The following TMEM272 variants were observed in gnomAD, a reference collection of about 807,000 sequenced individuals.
TMEM272 encodes transmembrane protein 272, also known as long intergenic non-protein coding RNA 282.
A neutral mutation model predicts 3.7 loss-of-function variants in TMEM272; 8 were observed. That is an observed-to-expected ratio of 2.17 (90% CI 1.27 to 3.91). TMEM272 has a LOEUF of 3.91. TMEM272 is among the 30% of genes most tolerant of loss of function. TMEM272 has a pLI of 0.00. For missense variants in TMEM272, 166 were observed against 91.5 expected (o/e 1.81, Z -3.32); for synonymous variants, 63 against 39.8 (o/e 1.58, Z -2.20).
chr13:51,886,595 T>C, the TMEM272 span, among the ~76,000 whole-genome samples: 4 of 152,248 alleles, frequency 2.6e-5, no homozygotes, highest in Admixed American at 1.3e-4. Context: ...ATAAAGATTA[T>C]TATCTTTTTC....
chr13:51,898,705 T>C, the TMEM272 span, among the ~76,000 whole-genome samples: 1 of 151,350 alleles, frequency 6.6e-6, no homozygotes, highest in Non-Finnish European at 1.5e-5. Context: ...AAGAATGGCT[T>C]AGACTTATAT....
At chr13:51,928,503 A>C in the TMEM272 span, among the ~76,000 whole-genome samples, 1 of 152,154 alleles carries the variant, frequency 6.6e-6, no homozygotes, top group African/African-American at 2.4e-5. Context: ...AACTGCGAAG[A>C]GGTAGGATGA....
the TMEM272 span, among the ~76,000 whole-genome samples, chr13:51,903,797 T>G: frequency 6.6e-6 from 1 of 152,178 alleles, no homozygotes; most frequent in Non-Finnish European, 1.5e-5. Flanking sequence ...AAACCTATCA[T>G]AGCCATAATG....
chr13:51,884,680 C>T, the TMEM272 span, among the ~76,000 whole-genome samples: 2 of 152,112 alleles, frequency 1.3e-5, no homozygotes, highest in African/African-American at 4.8e-5. Context: ...AAGTTTGAAC[C>T]CTGACTCTTC....
the TMEM272 span, among the ~76,000 whole-genome samples, chr13:51,886,419 A>C: frequency 6.6e-6 from 1 of 152,228 alleles, no homozygotes; most frequent in Non-Finnish European, 1.5e-5. Flanking sequence ...CCTGTGAGGA[A>C]TGAACTTATA....
the TMEM272 span, among the ~76,000 whole-genome samples, chr13:51,928,684 A>C: frequency 6.6e-6 from 1 of 152,280 alleles, no homozygotes; most frequent in Non-Finnish European, 1.5e-5. Flanking sequence ...GGTCTGGAGC[A>C]GTTTGTAGAG....
chr13:51,901,410 C>A, the TMEM272 span, among the ~76,000 whole-genome samples: 66 of 152,090 alleles, frequency 4.3e-4, 3 homozygotes, highest in Non-Finnish European at 4.4e-5. Flanking sequence ...GGGTGGCGCC[C>A]GGTGGAGCTG....
At chr13:51,842,067 T>C (rs1956268243) in intron 1 of TMEM272, among the ~76,000 whole-genome samples, 1 of 152,282 alleles carries the variant, frequency 6.6e-6, no homozygotes, top group East Asian at 1.9e-4. Flanking sequence ...TATGACCTCG[T>C]GCATGTAATA....
At chr13:51,900,571 T>C in the TMEM272 span, among the ~76,000 whole-genome samples, 3 of 152,180 alleles carry the variant, frequency 2.0e-5, no homozygotes, top group South Asian at 6.2e-4. Flanking sequence ...AATGTAAAGA[T>C]ACAGTTACCA....
the TMEM272 span, among the ~76,000 whole-genome samples, chr13:51,869,770 A>G: frequency 6.6e-6 from 1 of 152,118 alleles, no homozygotes; most frequent in Non-Finnish European, 1.5e-5. Flanking sequence ...TTACAGGTGT[A>G]AGCCACCGCG....
chr13:51,817,600 C>T (rs900731513), intron 4 of TMEM272, among the ~76,000 whole-genome samples: 1 of 152,188 alleles, frequency 6.6e-6, no homozygotes. Context: ...CAGGCTTGGC[C>T]GAATCCAGGT....
In TMEM272 at chr13:51,831,528, G is replaced by A. The variant is rs574600023; in HGVS notation, c.59-4903C>T. 2.6e-5 allele frequency among the ~76,000 whole-genome samples: 4 copies of A among 152,342 alleles called. No homozygotes were observed. In the East Asian group the frequency reaches 5.8e-4, roughly 22 times the overall value. ...TACAGCTGTCTGCTCAGCATGGTGTGAGGTGCTGGGGTTGGGCTAGGTTGT... is the reference window on the plus strand; with the variant it reads ...TACAGCTGTCTGCTCAGCATGGTGTAAGGTGCTGGGGTTGGGCTAGGTTGT... On this transcript the variant is annotated intron_variant, in intron 2 of 4. Coordinates refer to ENST00000629372, the MANE Select transcript of TMEM272 (RefSeq NM_001351003.2).
At chr13:51,863,154 TGCAG>T in the TMEM272 span, among the ~76,000 whole-genome samples, 1 of 152,228 alleles carries the variant, frequency 6.6e-6, no homozygotes, top group African/African-American at 2.4e-5. Flanking sequence ...GGCAGGAAAC[TGCAG>T]GCAGAGTGCC....
At chr13:51,907,061 G>A in the TMEM272 span, among the ~76,000 whole-genome samples, 2 of 152,194 alleles carry the variant, frequency 1.3e-5, no homozygotes, top group East Asian at 1.9e-4. Flanking sequence ...TCCTCCCAAC[G>A]TGAGCAGGGA....
chr13:51,915,448 CAA>C, the TMEM272 span, among the ~76,000 whole-genome samples: 1 of 152,218 alleles, frequency 6.6e-6, no homozygotes, highest in Non-Finnish European at 1.5e-5. Flanking sequence ...ATGTTCCTGA[CAA>C]GAGAGACCTT....
chr13:51,862,378 T>C, the TMEM272 span: 1 of 152,266 alleles, frequency 6.6e-6, no homozygotes, highest in African/African-American at 2.4e-5. Flanking sequence ...GCTATACAGA[T>C]ACACATCTAC....
At chr13:51,867,752 C>T in the TMEM272 span, among the ~76,000 whole-genome samples, 101 of 152,222 alleles carry the variant, frequency 6.6e-4, no homozygotes, top group African/African-American at 2.4e-3. Flanking sequence ...CTCAGCTCTC[C>T]ATGGGTCCCA....
the TMEM272 span, among the ~76,000 whole-genome samples, chr13:51,856,961 T>A: frequency 6.6e-6 from 1 of 152,242 alleles, no homozygotes. Flanking sequence ...AAGGCACTTC[T>A]ATTTGGATTT....
intron 3 of TMEM272, among the ~76,000 whole-genome samples, chr13:51,823,343 C>T (rs1230963947): frequency 2.0e-5 from 3 of 152,224 alleles, no homozygotes; most frequent in African/African-American, 7.2e-5. Context: ...CCTCCCAAAG[C>T]GTGGGATTAC....
Sources: gnomAD v4.1 joint callset for allele counts (sites outside exome capture counted in the v4.1 genomes callset) on GRCh38, gnomAD v4.1.1 for gene constraint, MANE v1.5 for transcripts, NCBI Gene and HGNC (gene_info 2026-07-23, HGNC 2026-07-21) for gene names.